VPS13A: variants seen among roughly 807,000 people sequenced by gnomAD.
VPS13A encodes the protein vacuolar protein sorting 13 homolog A.
VPS13A carries 264 observed loss-of-function variants against 390.9 expected under a neutral mutation model. The ratio of observed to expected loss-of-function variants is 0.68; its 90% CI spans 0.61 to 0.75. The LOEUF (loss-of-function observed/expected upper bound fraction) is 0.75. VPS13A is among the 30% of genes least tolerant of loss of function. The probability of loss-of-function intolerance (pLI) is 0.00; values close to 1 mark genes in which losing one functional copy is unlikely to be tolerated. For missense variants in VPS13A, 3,409 were observed against 3,733.9 expected, an observed-to-expected ratio of 0.91 and a Z score of 2.27; for synonymous variants, 1,231 against 1,227.1, an observed-to-expected ratio of 1.00 and a Z score of -0.07.
At chr9:77,185,600 CCTTTGACAGTGT>C (rs2131057641) in intron 1 of VPS13A, among the ~76,000 whole-genome samples, 1 of 152,204 alleles carries the variant, frequency 6.6e-6, no homozygotes, top group East Asian at 1.9e-4. Context: ...CCTTTATTTT[CCTTTGACAGTGT>C]CTTATCATAT....
At chr9:77,214,527 C>G in intron 10 of VPS13A, 141 bp downstream of exon 10, 1 of 575,522 alleles carries the variant, frequency 1.7e-6, no homozygotes, top group Non-Finnish European at 3.0e-6. Flanking sequence ...TATACAAAAG[C>G]AAATAATATT....
chr9:77,248,259 AGGCTGGAGTGCAGTG>A (rs1473741377), intron 20 of VPS13A, among the ~76,000 whole-genome samples: 1 of 149,292 alleles, frequency 6.7e-6, no homozygotes, highest in Non-Finnish European at 1.5e-5. Context: ...TCTGTGGCCC[AGGCTGGAGTGCAGTG>A]GCACGATCTC....
At chr9:77,248,856 C>T (rs1294573847) in intron 20 of VPS13A, among the ~76,000 whole-genome samples, 1 of 152,132 alleles carries the variant, frequency 6.6e-6, no homozygotes, top group Non-Finnish European at 1.5e-5. Context: ...CTCAGCCTCC[C>T]AAGTAGCTGG....
intron 67 of VPS13A, among the ~76,000 whole-genome samples, chr9:77,372,849 A>G (rs2131593041): frequency 6.6e-6 from 1 of 152,044 alleles, no homozygotes; most frequent in Non-Finnish European, 1.5e-5. Context: ...CAACAGACAA[A>G]CAGAGAGCCA....
At chr9:77,408,437 A>G (rs1482128665) in intron 71 of VPS13A, among the ~76,000 whole-genome samples, 1 of 152,222 alleles carries the variant, frequency 6.6e-6, no homozygotes, top group East Asian at 1.9e-4. Flanking sequence ...AGTGTCGGAA[A>G]GTGGGTGCAG....
Position 77,362,724 on chromosome 9 carries a change from T to C in VPS13A, c.8211+2083T>C, listed in dbSNP as rs562308262. On this transcript the variant is annotated intron_variant, in intron 59 of 71. Coordinates refer to ENST00000360280, the MANE Select transcript of VPS13A (RefSeq NM_033305.3). ...TTGGGAAGTATTGCCATCCTAACAGTATTAGGTCTTTCAGTCCTTGCACAT... is the reference window on the plus strand; with the variant it reads ...TTGGGAAGTATTGCCATCCTAACAGCATTAGGTCTTTCAGTCCTTGCACAT... 7.2e-5 allele frequency among the ~76,000 whole-genome samples: 11 copies of C among 152,310 alleles called. No homozygotes were observed. In the South Asian group the frequency reaches 2.3e-3, roughly 32 times the overall value.
At chr9:77,287,720 A>G (rs1827414882) in intron 31 of VPS13A, among the ~76,000 whole-genome samples, 1 of 152,206 alleles carries the variant, frequency 6.6e-6, no homozygotes, top group African/African-American at 2.4e-5. Context: ...TGTGGATTTG[A>G]GCCCTGTTGA....
At chr9:77,229,224 G>A (rs926653791) in intron 17 of VPS13A, among the ~76,000 whole-genome samples, 2 of 151,820 alleles carry the variant, frequency 1.3e-5, no homozygotes, top group African/African-American at 2.4e-5. Flanking sequence ...GACTACAGGC[G>A]CGAGCCACCA....
At chr9:77,258,482 T>G (rs1293087532) in intron 22 of VPS13A, among the ~76,000 whole-genome samples, 1 of 152,200 alleles carries the variant, frequency 6.6e-6, no homozygotes, top group Non-Finnish European at 1.5e-5. Flanking sequence ...TAACAAATAT[T>G]GTCCAGGGCC....
chr9:77,266,548 T>C (rs1400333473), intron 23 of VPS13A, among the ~76,000 whole-genome samples: 1 of 152,132 alleles, frequency 6.6e-6, no homozygotes, highest in Non-Finnish European at 1.5e-5. Flanking sequence ...TCTGATGGTC[T>C]TCCCTTTGTG....
At chr9:77,299,526 A>G (rs1828220005) in intron 33 of VPS13A, among the ~76,000 whole-genome samples, 1 of 152,192 alleles carries the variant, frequency 6.6e-6, no homozygotes, top group Admixed American at 6.5e-5. Context: ...CGATTCCTCA[A>G]GGATCTAGAA....
chr9:77,371,375 C>T (rs1437321383), intron 67 of VPS13A, among the ~76,000 whole-genome samples: 1 of 152,074 alleles, frequency 6.6e-6, no homozygotes, highest in Admixed American at 6.5e-5. Flanking sequence ...TGGCTAGGGC[C>T]TTTTTGCGGT....
At chr9:77,238,462 T>C (rs1824279882) in intron 19 of VPS13A, 76 bp downstream of exon 19, 4 of 1,085,916 alleles carry the variant, frequency 3.7e-6, no homozygotes, top group Admixed American at 1.9e-5. Flanking sequence ...AGAATGTTTT[T>C]AGTAAAGTTT....
In VPS13A at chr9:77,370,551, C is replaced by T. The variant is rs759647262; in HGVS notation, c.8880C>T (p.Ile2960=). 2 of 1,614,088 alleles carry T rather than the reference C, an allele frequency of 1.2e-6. No individual in the cohort carries two copies. Among genetic ancestry groups the T allele is most frequent in the East Asian group, 4.5e-5 (2 of 44,876 alleles). ...NKQPAGFREG[I]TRGGKGLVSG... ...AACCAGCTGGTTTTAGAGAAGGCAT[C>T]ACTCGTGGAGGAAAAGGCTTAGTTT... The change falls in exon 65 of 72, where the codon ATC becomes ATT. Residue 2960 remains isoleucine (I), a synonymous_variant. Transcript: ENST00000360280.
chr9:77,239,633 G>A (rs1824353195), intron 19 of VPS13A, among the ~76,000 whole-genome samples: 2 of 151,710 alleles, frequency 1.3e-5, no homozygotes, highest in African/African-American at 4.8e-5. Flanking sequence ...GATGTGTCAT[G>A]TCAACAACAT....
intron 50 of VPS13A, among the ~76,000 whole-genome samples, chr9:77,342,460 A>G (rs1030394290): frequency 6.6e-6 from 1 of 150,810 alleles, no homozygotes; most frequent in Non-Finnish European, 1.5e-5. Context: ...ATGATTGTTT[A>G]TTGGTAACAC....
intron 17 of VPS13A, 81 bp from the exon 18 acceptor site, chr9:77,237,921 A>C: frequency 9.1e-7 from 1 of 1,100,730 alleles, no homozygotes. Flanking sequence ...TGTCTTCATT[A>C]ATTTTTTAAA....
intron 6 of VPS13A, among the ~76,000 whole-genome samples, chr9:77,210,232 C>T (rs570660474): frequency 1.4e-5 from 2 of 140,644 alleles, no homozygotes; most frequent in Admixed American, 1.4e-4. Context: ...CCCCTCCCCT[C>T]CCCTTGCCTC....
chr9:77,352,569 T>C (rs867092576), intron 53 of VPS13A, among the ~76,000 whole-genome samples: 1 of 152,204 alleles, frequency 6.6e-6, no homozygotes, highest in Non-Finnish European at 1.5e-5. Flanking sequence ...GTACTTTGCA[T>C]ATTTATATCA....
Sources: gnomAD v4.1 joint callset for allele counts (sites outside exome capture counted in the v4.1 genomes callset) on GRCh38, gnomAD v4.1.1 for gene constraint, MANE v1.5 for transcripts, NCBI Gene and HGNC (gene_info 2026-07-23, HGNC 2026-07-21) for gene names.